Variants in ATXN2L observed in about 807,000 individuals in gnomAD.
The protein encoded by ATXN2L is ataxin 2 like, also known as ataxin-2-like protein.
ATXN2L carries 24 observed loss-of-function variants against 120.7 expected under a neutral mutation model. The observed-to-expected ratio is 0.20, with a 90% CI of 0.14 to 0.28. The LOEUF is 0.28. Ranked by LOEUF, ATXN2L falls within the 10% of genes least tolerant of loss-of-function variation. The pLI is 1.00. For synonymous variants in ATXN2L, 653 were observed against 568.1 expected (o/e 1.15, Z -2.13); for missense variants, 1,312 against 1,432.3 (o/e 0.92, Z 1.36).
chr16:28,834,507 C>A lies in ATXN2L; in HGVS notation c.2247C>A (p.Gly749=). 1.9e-6 allele frequency: 3 copies of A among 1,611,556 alleles called. No individual in the cohort carries two copies. Among genetic ancestry groups the A allele is most frequent in the Non-Finnish European group, 2.5e-6 (3 of 1,179,474 alleles). ...TCTCCTCTCCTCCTCCTCTTCCAGG[C>A]TCCCTTCCTCCGCAGCGCTCGGACC... The part of the protein sequence containing the change: ...GQQGKYRGAK[G]SLPPQRSDQH... The change falls in exon 18 of 22, where the codon GGC becomes GGA. Residue 749 remains glycine, a splice_region_variant and synonymous_variant. Coordinates refer to ENST00000336783, the MANE Select transcript of ATXN2L (RefSeq NM_007245.4).
At position 28,825,839 on chromosome 16, in the gene ATXN2L, A is replaced by G; in HGVS notation, c.463A>G (p.Lys155Glu). The change falls in exon 4 of 22, where the codon AAG (lysine) becomes GAG (glutamate). Residue 155 changes from lysine to glutamate, a missense_variant and splice_region_variant. Coordinates refer to ENST00000336783, the MANE Select transcript of ATXN2L (RefSeq NM_007245.4). ...YEGIFKTLSSKFELAVDAVHR... is the reference protein window; with the variant it reads ...YEGIFKTLSSEFELAVDAVHR... ...GGGTATCTTCAAGACGCTAAGCTCA[A>G]AGGTCAGTGTACTCAAATTTAATTA... 6.2e-7 allele frequency: 1 copy of G among 1,612,384 alleles called. No homozygotes were observed. Among genetic ancestry groups the G allele is most frequent in the Non-Finnish European group, 8.5e-7 (1 of 1,178,400 alleles).
Position 28,823,303 on chromosome 16 carries a change from A to G in ATXN2L, c.44A>G (p.Gln15Arg). 6.7e-7 allele frequency: 1 copy of G among 1,493,354 alleles called. No homozygotes were observed. The highest frequency in any genetic ancestry group is 1.5e-5 in the African/African-American group (1 of 68,750). The allele number at this position is 1,493,354 out of a possible 1,614,324, so 92.5% of individuals were successfully genotyped here. Residue 15 changes from glutamine to arginine, a missense_variant, in exon 1 of 22, where the codon CAG becomes CGG. By Grantham distance (43) the Gln-to-Arg change is conservative. Transcript: ENST00000336783. ...QPLQQPSQPQ[Q>R]PPPTQQAVAR... ...CTACAACAGCCCTCCCAGCCCCAGC[A>G]GCCGCCCCCCACGCAACAGGCCGTG...
chr16:28,829,341 G>A, intron 6 of ATXN2L, 60 bp from the exon 7 acceptor site: 1 of 1,160,964 alleles, frequency 8.6e-7, no homozygotes, highest in Non-Finnish European at 1.3e-6. Context: ...CTGATGGAAG[G>A]GAAGTGACTT....
chr16:28,828,457 A>G (rs2053072913), intron 6 of ATXN2L, among the ~76,000 whole-genome samples: 1 of 152,018 alleles, frequency 6.6e-6, no homozygotes, highest in Admixed American at 6.6e-5. Context: ...GTGGTGGCAC[A>G]TGCCCGTAAT....
At chr16:28,828,340 A>G (rs2053015738) in intron 6 of ATXN2L, among the ~76,000 whole-genome samples, 1 of 152,150 alleles carries the variant, frequency 6.6e-6, no homozygotes, top group Non-Finnish European at 1.5e-5. Context: ...TAATCCCAGC[A>G]CTTTGGGAGG....
chr16:28,829,779 ACTTGTTGAAATGTTTTTC>A (rs2053674176), intron 7 of ATXN2L, 61 bp from the exon 8 acceptor site: 1 of 1,451,826 alleles, frequency 6.9e-7, no homozygotes, highest in Admixed American at 1.7e-5. Context: ...TGGTGATTGG[ACTTGTTGAAATGTTTTTC>A]CTTTTTTCCT....
rs1161882379 is a variant in ATXN2L at position 28,836,531 on chromosome 16, T to C, written c.*266T>C. ...AGGGCCAGACTGGGGTGTGGGGGGC[T>C]GAGCTGGGCACATGAGTGAGGGCTC... On this transcript the variant is annotated 3_prime_UTR_variant, in exon 22 of 22. Transcript: ENST00000336783. The C allele has an allele frequency of 4.4e-6, 7 of 1,589,264 alleles. No individual in the cohort carries two copies. Among genetic ancestry groups the C allele is most frequent in the African/African-American group, 1.3e-5 (1 of 74,300 alleles).
chr16:28,823,490 G>T lies in ATXN2L; in HGVS notation c.231G>T (p.Leu77Phe). ...TCCGCCGGGGAGCCGAAGGCATCTT[G>T]GCGCCGCAGCCGCCGCCGCCGCAGC... ...SGLRRGAEGI[L>F]APQPPPPQQH... The change falls in exon 1 of 22, where the codon TTG (leucine) becomes TTT (phenylalanine). Residue 77 changes from leucine to phenylalanine, a missense_variant. Transcript: ENST00000336783. 1 of 1,379,368 alleles carries T rather than the reference G, an allele frequency of 7.2e-7. No individual in the cohort carries two copies. Among genetic ancestry groups the T allele is most frequent in the South Asian group, 1.6e-5 (1 of 61,638 alleles). The allele number at this position is 1,379,368 out of a possible 1,614,324, so 85.4% of individuals were successfully genotyped here.
chr16:28,828,664 T>A (rs990223452), intron 6 of ATXN2L, among the ~76,000 whole-genome samples: 4 of 152,220 alleles, frequency 2.6e-5, no homozygotes, highest in African/African-American at 7.2e-5. Flanking sequence ...GTTCCAATTT[T>A]TTTTCCACTC....
At chr16:28,834,730 C>T (rs775107016) in intron 18 of ATXN2L, 37 bp downstream of exon 18, 2 of 1,571,696 alleles carry the variant, frequency 1.3e-6, no homozygotes, top group Non-Finnish European at 1.7e-6. Context: ...GGATCCAGGG[C>T]CCCTGCTAGG....
intron 12 of ATXN2L, 30 bp downstream of exon 12, chr16:28,832,597 T>C: frequency 1.2e-6 from 2 of 1,602,824 alleles, no homozygotes; most frequent in Non-Finnish European, 8.5e-7. Context: ...TGCTGAGGAT[T>C]AATGCTCCTT....
chr16:28,835,558 G>A lies in ATXN2L; in HGVS notation c.2695G>A (p.Gly899Arg). Residue 899 changes from glycine (G) to arginine (R), a missense_variant, in exon 21 of 22, where the codon GGG becomes AGG. Physicochemically the swap from Gly to Arg is moderately radical, Grantham distance 125 (BLOSUM62 -2). Transcript: ENST00000336783. ...TTCCCCTCCCCAGCAGCATCAGGCG[G>A]GGCAGGCCCCACACTTGGGCAGTGG... ...AAPSPVQHQAGQAPHLGSGQP... is the reference protein window; with the variant it reads ...AAPSPVQHQARQAPHLGSGQP... 1 of 1,613,616 alleles carries A rather than the reference G, an allele frequency of 6.2e-7. No individual in the cohort carries two copies. Among genetic ancestry groups the A allele is most frequent in the Non-Finnish European group, 8.5e-7 (1 of 1,179,928 alleles).
In ATXN2L at chr16:28,830,598, T is replaced by C; in HGVS notation, c.1035-17T>C. Reference sequence around the variant, plus strand: ...GGGTTTTGTGGCTACCTGGCCTTATTTGAACTCTTTCCTCAGGGAGGGGAA... The same window carrying C: ...GGGTTTTGTGGCTACCTGGCCTTATCTGAACTCTTTCCTCAGGGAGGGGAA... On this transcript the variant is annotated splice_polypyrimidine_tract_variant and intron_variant, in intron 8 of 21. Transcript: ENST00000336783. 3.2e-6 allele frequency: 5 copies of C among 1,547,750 alleles called. No individual in the cohort carries two copies. Among genetic ancestry groups the C allele is most frequent in the Non-Finnish European group, 4.4e-6 (5 of 1,147,392 alleles).
chr16:28,831,637 C>A (rs2054479697), intron 10 of ATXN2L, among the ~76,000 whole-genome samples: 1 of 152,170 alleles, frequency 6.6e-6, no homozygotes, highest in Non-Finnish European at 1.5e-5. Flanking sequence ...CAGTTGCTAA[C>A]TTTTTAAAAC....
In ATXN2L at chr16:28,826,559, C is replaced by T. The variant is rs188305190; in HGVS notation, c.616+169C>T. ...TGAGCGAAGTGGGTGGATTTTTCTT[C>T]TTAAAAATATGTCTTGATGTCTAAT... On this transcript the variant is annotated intron_variant, in intron 5 of 21. Transcript: ENST00000336783. 116 of 735,040 alleles carry T rather than the reference C, an allele frequency of 1.6e-4. No individual in the cohort carries two copies. The East Asian group carries it at 2.6e-3, about 17-fold the overall frequency. The allele number at this position is 735,040 out of a possible 1,614,324, so 45.5% of individuals were successfully genotyped here.
intron 1 of ATXN2L, chr16:28,824,093 A>AGGGATGACT (rs1299393167): frequency 9.9e-7 from 1 of 1,007,692 alleles, no homozygotes; most frequent in Non-Finnish European, 1.2e-6. Context: ...GGACGGAAGG[A>AGGGATGACT]GGGATGACTG....
At chr16:28,826,485 TG>T (rs2052043390) in intron 5 of ATXN2L, 95 bp downstream of exon 5, 2 of 1,405,208 alleles carry the variant, frequency 1.4e-6, no homozygotes, top group African/African-American at 1.4e-5. Flanking sequence ...GTGTTTGGTT[TG>T]TTTTTTTGTT....
At chr16:28,834,982 G>A in intron 18 of ATXN2L, 76 bp from the exon 19 acceptor site, 6 of 1,553,746 alleles carry the variant, frequency 3.9e-6, no homozygotes, top group Non-Finnish European at 4.4e-6. Context: ...AAGCGGTGCT[G>A]TGCACGCAGT....
At position 28,826,371 on chromosome 16, in the gene ATXN2L, C is replaced by T; in HGVS notation, c.597C>T (p.Asp199=). The change falls in exon 5 of 22, where the codon GAC becomes GAT. Residue 199 remains aspartate, a synonymous_variant. Transcript: ENST00000336783. ...DVMLVHFRNV[D]FNYATKDKFT... ...TGCTTGTTCACTTCCGAAATGTTGACTTCAACTATGCTACTAAAGGTATTG... is the reference window on the plus strand; with the variant it reads ...TGCTTGTTCACTTCCGAAATGTTGATTTCAACTATGCTACTAAAGGTATTG... The T allele has an allele frequency of 1.9e-6, 3 of 1,614,188 alleles. No homozygotes were observed. The highest frequency in any genetic ancestry group is 1.1e-5 in the South Asian group (1 of 91,086).
Sources: allele counts gnomAD v4.1 joint callset (sites outside exome capture counted in the v4.1 genomes callset), GRCh38; gene constraint gnomAD v4.1.1; transcripts MANE v1.5; gene names NCBI Gene and HGNC (gene_info 2026-07-23, HGNC 2026-07-21).